ATXN10: variants seen among roughly 807,000 people sequenced by gnomAD.
The protein encoded by ATXN10 is ataxin 10, also known as ataxin-10.
A neutral mutation model predicts 52.9 loss-of-function variants in ATXN10; 28 were observed. That is an observed-to-expected ratio of 0.53 (90% CI 0.39 to 0.73). The LOEUF is 0.73. ATXN10 is among the 30% of genes least tolerant of loss of function. The pLI, the probability that ATXN10 is intolerant of heterozygous loss-of-function variation, is 0.00. For missense variants in ATXN10, 565 were observed against 577.0 expected (o/e 0.98, Z 0.21); for synonymous variants, 226 against 221.5 (o/e 1.02, Z -0.18).
intron 4 of ATXN10, 123 bp from the exon 5 acceptor site, chr22:45,702,566 T>G: frequency 2.4e-6 from 2 of 824,428 alleles, no homozygotes; most frequent in Non-Finnish European, 3.9e-6. Flanking sequence ...TATTTTAAAG[T>G]GCTATAATTC....
At position 45,733,313 on chromosome 22, in the gene ATXN10, T is replaced by C. The variant is rs1179761723; in HGVS notation, c.894+3723T>C. ...TACATATTTAATTACATAATACATA[T>C]TTAATACATATTCTACAATAAATAG... On this transcript the variant is annotated intron_variant, in intron 7 of 11. Coordinates refer to ENST00000252934, the MANE Select transcript of ATXN10 (RefSeq NM_013236.4). This position sits in a 1 kb window ranked among gnomAD's most constrained non-coding sequence, Gnocchi z 4.4. Among the ~76,000 whole-genome samples, 1 of 152,242 alleles carries C rather than the reference T, an allele frequency of 6.6e-6. No homozygotes were observed. The highest frequency in any genetic ancestry group is 1.5e-5 in the Non-Finnish European group (1 of 68,036).
chr22:45,707,934 C>T (rs1302053492), intron 5 of ATXN10, among the ~76,000 whole-genome samples: 1 of 152,052 alleles, frequency 6.6e-6, no homozygotes, highest in East Asian at 1.9e-4. Flanking sequence ...TTTTTCTTCC[C>T]TACATTTTAG....
In ATXN10 at chr22:45,775,045, CT is replaced by C. The variant is rs1926903865; in HGVS notation, c.1174-31911del. On this transcript the variant is annotated intron_variant, in intron 9 of 11. Transcript: ENST00000252934. This position sits in a 1 kb window ranked among gnomAD's most constrained non-coding sequence, Gnocchi z 4.7. ...TCCCTTTTTCTGGTAGTTTGTAAAACTTTAGTGTTGTATTACCAGAAGCACT... is the reference window on the plus strand; with the variant it reads ...TCCCTTTTTCTGGTAGTTTGTAAAACTTAGTGTTGTATTACCAGAAGCACT... 6.6e-6 allele frequency among the ~76,000 whole-genome samples: 1 copy of C among 152,144 alleles called. No individual in the cohort carries two copies. Among genetic ancestry groups the C allele is most frequent in the South Asian group, 2.1e-4 (1 of 4,830 alleles).
intron 6 of ATXN10, among the ~76,000 whole-genome samples, chr22:45,725,305 T>C (rs1377506715): frequency 6.6e-6 from 1 of 152,182 alleles, no homozygotes; most frequent in Non-Finnish European, 1.5e-5. Context: ...GTATTTCCAT[T>C]AGTTTGTGTC....
In ATXN10 at chr22:45,762,983, C is replaced by G. The variant is rs1926452529; in HGVS notation, c.1173+22445C>G. On this transcript the variant is annotated intron_variant, in intron 9 of 11. Coordinates refer to ENST00000252934, the MANE Select transcript of ATXN10 (RefSeq NM_013236.4). This position sits in a 1 kb window ranked among gnomAD's most constrained non-coding sequence, Gnocchi z 4.3. ...CCAGCATCCGGAATCAGACCATCCT[C>G]AGGGGATTGGAATGCACAGAAGCAT... Among the ~76,000 whole-genome samples the G allele has an allele frequency of 6.6e-6, 1 of 152,244 alleles. No homozygotes were observed. The highest frequency in any genetic ancestry group is 2.4e-5 in the African/African-American group (1 of 41,462).
chr22:45,738,581 G>A, intron 7 of ATXN10, 150 bp from the exon 8 acceptor site: 2 of 654,262 alleles, frequency 3.1e-6, no homozygotes, highest in Non-Finnish European at 5.2e-6. Context: ...CTTCTGTTTT[G>A]TTCTTCATAG....
intron 7 of ATXN10, chr22:45,738,514 T>C: frequency 1.9e-6 from 1 of 522,664 alleles, no homozygotes; most frequent in Non-Finnish European, 3.4e-6. Flanking sequence ...AATCTTGCAT[T>C]CTTGATGGCA....
At position 45,843,077 on chromosome 22, in the gene ATXN10, C is replaced by T; in HGVS notation, c.1324C>T (p.Gln442Ter). 1 of 1,614,192 alleles carries T rather than the reference C, an allele frequency of 6.2e-7. No individual in the cohort carries two copies. The highest frequency in any genetic ancestry group is 8.5e-7 in the Non-Finnish European group (1 of 1,180,034). Residue 442 changes from glutamine (Q) to a stop codon, truncating the protein, a stop_gained, in exon 11 of 12, where the codon CAG becomes TAG. Coordinates refer to ENST00000252934, the MANE Select transcript of ATXN10 (RefSeq NM_013236.4). LOFTEE classifies it high-confidence loss of function. The surrounding 1 kb of genome is among the most constrained non-coding windows in gnomAD (Gnocchi z 4.5). ...AGATTTGATTGCAAAGATGGAGGAA[C>T]AGGGGCTGGCAGATGCATCCCTACT... ...NQDLIAKMEE[Q>*]GLADASLLKK...
chr22:45,794,848 T>A (rs916994592), intron 9 of ATXN10, among the ~76,000 whole-genome samples: 1 of 152,178 alleles, frequency 6.6e-6, no homozygotes, highest in Non-Finnish European at 1.5e-5. Context: ...TACAAATATA[T>A]ACAAAGGATC....
chr22:45,680,785 G>A (rs1279416969), intron 1 of ATXN10, among the ~76,000 whole-genome samples: 1 of 151,936 alleles, frequency 6.6e-6, no homozygotes, highest in Non-Finnish European at 1.5e-5. Flanking sequence ...TTTTTTACAT[G>A]AATCCTCTTC....
chr22:45,685,402 C>T (rs778538410), intron 1 of ATXN10, among the ~76,000 whole-genome samples: 3 of 152,040 alleles, frequency 2.0e-5, no homozygotes, highest in African/African-American at 4.8e-5. Flanking sequence ...TTTTAATTGT[C>T]CTTGTAAGTA....
Position 45,684,267 on chromosome 22 carries a change from C to T in ATXN10, c.117-5445C>T, listed in dbSNP as rs1300986182. Among the ~76,000 whole-genome samples the T allele has an allele frequency of 6.6e-6, 1 of 151,602 alleles. No homozygotes were observed. The highest frequency in any genetic ancestry group is 1.5e-5 in the Non-Finnish European group (1 of 67,976). On this transcript the variant is annotated intron_variant, in intron 1 of 11. Coordinates refer to ENST00000252934, the MANE Select transcript of ATXN10 (RefSeq NM_013236.4). The surrounding 1 kb of genome is among the most constrained non-coding windows in gnomAD (Gnocchi z 4.1). Reference sequence around the variant, plus strand: ...TGCGCCTGGCCGCCTTAGTTCCTTTCATTTAGCACAGTGCGTTTGTTCTGA... The same window carrying T: ...TGCGCCTGGCCGCCTTAGTTCCTTTTATTTAGCACAGTGCGTTTGTTCTGA...
chr22:45,799,088 T>TTG (rs1390976801), intron 9 of ATXN10, among the ~76,000 whole-genome samples: 10 of 4,348 alleles, frequency 2.3e-3, no homozygotes, highest in Non-Finnish European at 4.4e-3. Flanking sequence ...TTGTTTTTTG[T>TTG]TTTTCTTTTG....
rs1053956032 is a variant in ATXN10, at chr22:45,701,013, T to C, written c.488+635T>C. Among the ~76,000 whole-genome samples the C allele has an allele frequency of 2.0e-5, 3 of 152,256 alleles. No individual in the cohort carries two copies. Among genetic ancestry groups the C allele is most frequent in the Admixed American group, 6.5e-5 (1 of 15,294 alleles). ...AGCTCTGTTCATAAGAAATTGAGCA[T>C]TGAGGTAAAAGGTGAGCAGGGAATA... On this transcript the variant is annotated intron_variant, in intron 4 of 11. Coordinates refer to ENST00000252934, the MANE Select transcript of ATXN10 (RefSeq NM_013236.4). This position sits in a 1 kb window ranked among gnomAD's most constrained non-coding sequence, Gnocchi z 4.2.
chr22:45,791,995 C>T (rs1927529279), intron 9 of ATXN10, among the ~76,000 whole-genome samples: 1 of 152,072 alleles, frequency 6.6e-6, no homozygotes, highest in South Asian at 2.1e-4. Flanking sequence ...TCTTCCCAGG[C>T]ACAGTTTATT....
intron 1 of ATXN10, among the ~76,000 whole-genome samples, chr22:45,685,602 T>C (rs1383400679): frequency 1.3e-5 from 2 of 152,250 alleles, no homozygotes; most frequent in African/African-American, 2.4e-5. Context: ...ACAGTGAACG[T>C]AGATTTTGCA....
At chr22:45,791,443 A>C (rs1263233305) in intron 9 of ATXN10, among the ~76,000 whole-genome samples, 1 of 152,124 alleles carries the variant, frequency 6.6e-6, no homozygotes, top group African/African-American at 2.4e-5. Context: ...GGTTTCTGAC[A>C]CATAGCCTTT....
At position 45,843,279 on chromosome 22, in the gene ATXN10, G is replaced by T. The variant is rs969044012; in HGVS notation, c.1425+101G>T. The T allele has an allele frequency of 1.5e-6, 2 of 1,312,114 alleles. No homozygotes were observed. Among genetic ancestry groups the T allele is most frequent in the Non-Finnish European group, 2.2e-6 (2 of 919,658 alleles). The allele number at this position is 1,312,114 out of a possible 1,614,324, so 81.3% of individuals were successfully genotyped here. On this transcript the variant is annotated intron_variant, in intron 11 of 11. Transcript: ENST00000252934. This position sits in a 1 kb window ranked among gnomAD's most constrained non-coding sequence, Gnocchi z 4.5. The stretch of plus-strand genomic sequence containing the variant: ...CGAGGCTCTTTGTAAGAATATGGAT[G>T]GGAGAATTGTGCCCTCTATAGTGGT...
rs539744191 is a variant in ATXN10, at chr22:45,828,827, A to G, written c.1238-14164A>G. Among the ~76,000 whole-genome samples the G allele has an allele frequency of 6.6e-6, 1 of 152,336 alleles. No individual in the cohort carries two copies. The highest frequency in any genetic ancestry group is 2.1e-4 in the South Asian group (1 of 4,830). ...ATGCCTTCACTGGTGAATTCTAGCA[A>G]ACATTTCAAGGGGAACTAATACCAA... On this transcript the variant is annotated intron_variant, in intron 10 of 11. Coordinates refer to ENST00000252934, the MANE Select transcript of ATXN10 (RefSeq NM_013236.4). This position sits in a 1 kb window ranked among gnomAD's most constrained non-coding sequence, Gnocchi z 4.5.
Sources: gnomAD v4.1 joint callset for allele counts (sites outside exome capture counted in the v4.1 genomes callset) on GRCh38, gnomAD v4.1.1 for gene constraint, Gnocchi (gnomAD v3.1) non-coding constraint, MANE v1.5 for transcripts, NCBI Gene and HGNC (gene_info 2026-07-23, HGNC 2026-07-21) for gene names.